The following TG variants were observed in gnomAD, a reference collection of about 807,000 sequenced individuals.
TG encodes thyroglobulin.
Under a neutral mutation model 324.7 loss-of-function variants are expected in TG, and 270 were observed. The observed-to-expected ratio is 0.83, with a 90% CI of 0.75 to 0.92. TG has a LOEUF of 0.92. TG is among the 40% of genes least tolerant of loss of function. The pLI is 0.00. For synonymous variants in TG, 1,401 were observed against 1,327.0 expected (o/e 1.06, Z -1.21); for missense variants, 3,591 against 3,456.4 (o/e 1.04, Z -0.98).
intron 43 of TG, among the ~76,000 whole-genome samples, chr8:133,103,402 C>G (rs906666502): frequency 2.0e-5 from 3 of 152,156 alleles, no homozygotes; most frequent in African/African-American, 4.8e-5. Context: ...TTACCCCTCA[C>G]AGCTGACGCT....
rs1346339625 is a variant in TG, at chr8:133,113,203, G to T, written c.7573-219G>T. ...GGCAGGCACTCCCATTTTCAGATGGGGAAGGCAGGCACAGAGAGGGATAGC... is the reference window on the plus strand; with the variant it reads ...GGCAGGCACTCCCATTTTCAGATGGTGAAGGCAGGCACAGAGAGGGATAGC... On this transcript the variant is annotated intron_variant, in intron 43 of 47. Transcript: ENST00000220616. 2.6e-5 allele frequency among the ~76,000 whole-genome samples: 4 copies of T among 152,230 alleles called. No homozygotes were observed. In the South Asian group the frequency reaches 8.3e-4, roughly 32 times the overall value.
At chr8:132,990,876 G>A (rs889975043) in intron 35 of TG, among the ~76,000 whole-genome samples, 9 of 151,664 alleles carry the variant, frequency 5.9e-5, no homozygotes, top group African/African-American at 1.7e-4. Context: ...CCAGTTTCCC[G>A]GGAATCATAC....
intron 5 of TG, among the ~76,000 whole-genome samples, chr8:132,879,806 G>A (rs146717962): frequency 1.4e-3 from 206 of 152,346 alleles, no homozygotes; most frequent in African/African-American, 4.8e-3. Context: ...GTACTGGGCA[G>A]TTTATAAGAC....
At chr8:133,081,206 T>C (rs1308758738) in intron 41 of TG, among the ~76,000 whole-genome samples, 3 of 152,266 alleles carry the variant, frequency 2.0e-5, no homozygotes, top group Admixed American at 2.0e-4. Flanking sequence ...AATTGGAGCC[T>C]GAGCTTGGGA....
Position 132,968,011 on chromosome 8 carries a change from G to A in TG, c.5863+41G>A, listed in dbSNP as rs374872841. ...GATCTGCATAAACTGTATTTCCAAT[G>A]TTCTGCTGGCTCTGTGGTTTTAGAA... On this transcript the variant is annotated intron_variant, in intron 31 of 47. Coordinates refer to ENST00000220616, the MANE Select transcript of TG (RefSeq NM_003235.5). 1.9e-5 allele frequency: 30 copies of A among 1,605,246 alleles called. No homozygotes were observed. The African/African-American group carries it at 3.6e-4, about 19-fold the overall frequency.
chr8:133,097,832 G>A (rs1251564375), intron 43 of TG, among the ~76,000 whole-genome samples: 1 of 152,212 alleles, frequency 6.6e-6, no homozygotes. Context: ...TGTATGTAGA[G>A]AGAGAGAAAG....
In TG at chr8:132,962,253, T is replaced by A. The variant is rs563417506; in HGVS notation, c.5468-741T>A. Among the ~76,000 whole-genome samples the A allele has an allele frequency of 2.0e-5, 3 of 152,246 alleles. No homozygotes were observed. In the East Asian group the frequency reaches 5.8e-4, roughly 29 times the overall value. ...TTATGTACTTCTTTTCTCATTTAAT[T>A]ATACCCATAATGTAGGCCTAAAGAG... is the stretch of plus-strand genomic sequence containing the variant. On this transcript the variant is annotated intron_variant, in intron 28 of 47. Coordinates refer to ENST00000220616, the MANE Select transcript of TG (RefSeq NM_003235.5).
At chr8:132,878,138 G>T (rs1314817345) in intron 5 of TG, among the ~76,000 whole-genome samples, 1 of 152,080 alleles carries the variant, frequency 6.6e-6, no homozygotes, top group Non-Finnish European at 1.5e-5. Flanking sequence ...TAAGTTACTT[G>T]GTTTCTACAA....
intron 8 of TG, 36 bp downstream of exon 8, chr8:132,883,035 G>A (rs757761666): frequency 6.9e-6 from 11 of 1,604,164 alleles, no homozygotes; most frequent in East Asian, 2.2e-5. Context: ...TTTCGGCCTC[G>A]GATCATATTA....
rs139248110 is a variant in TG, at chr8:132,878,848, C to T, written c.639-3015C>T. On this transcript the variant is annotated intron_variant, in intron 5 of 47. Coordinates refer to ENST00000220616, the MANE Select transcript of TG (RefSeq NM_003235.5). ...GTTATCTCCTGGTCAAATCACCATT[C>T]GTGGCTTTAGAATCCCACTCAAACT... 6.8e-4 allele frequency among the ~76,000 whole-genome samples: 103 copies of T among 152,240 alleles called. 1 individual carries two copies. Among genetic ancestry groups the T allele is most frequent in the East Asian group, 4.3e-3 (22 of 5,158 alleles).
At chr8:133,127,912 C>T (rs1429940177) in intron 45 of TG, among the ~76,000 whole-genome samples, 4 of 152,124 alleles carry the variant, frequency 2.6e-5, no homozygotes, top group African/African-American at 4.8e-5. Flanking sequence ...ACATGCCCTT[C>T]CTCGCCTCAT....
intron 43 of TG, among the ~76,000 whole-genome samples, chr8:133,105,229 A>G (rs1303862415): frequency 1.3e-5 from 2 of 152,202 alleles, no homozygotes; most frequent in Admixed American, 6.5e-5. Context: ...AAAATTGACT[A>G]CAGGCTGTCT....
intron 23 of TG, among the ~76,000 whole-genome samples, chr8:132,932,733 A>G (rs1822901393): frequency 6.6e-6 from 1 of 152,146 alleles, no homozygotes; most frequent in Non-Finnish European, 1.5e-5. Context: ...CATTAAGCGC[A>G]TGGCCTCCTG....
chr8:133,049,743 A>G (rs1013840412), intron 41 of TG: 2 of 633,174 alleles, frequency 3.2e-6, no homozygotes, highest in Admixed American at 2.5e-5. Flanking sequence ...AGTTAGCCCA[A>G]GGTTGCTCCT....
intron 45 of TG, among the ~76,000 whole-genome samples, chr8:133,123,859 A>G (rs1851328376): frequency 6.6e-6 from 1 of 152,230 alleles, no homozygotes; most frequent in South Asian, 2.1e-4. Context: ...TCATCTGTGC[A>G]GTGGAGCTAG....
chr8:132,893,852 T>C lies in TG; in HGVS notation c.2924T>C (p.Leu975Pro). The change falls in exon 11 of 48, where the codon CTC becomes CCC. Residue 975 changes from leucine (L) to proline (P), a missense_variant. Physicochemically the swap from Leu to Pro is moderately conservative, Grantham distance 98 (BLOSUM62 -3). Transcript: ENST00000220616. ...LRNEDLGLPPLFPPREAFAEQ... is the reference protein window; with the variant it reads ...LRNEDLGLPPPFPPREAFAEQ... ...AATGAGGACCTCGGCCTTCCTCCGC[T>C]CTTCCCGCCCCGGGAGGCTTTCGCG... is the stretch of plus-strand genomic sequence containing the variant. 1 of 1,614,034 alleles carries C rather than the reference T, an allele frequency of 6.2e-7. No homozygotes were observed. Among genetic ancestry groups the C allele is most frequent in the Non-Finnish European group, 8.5e-7 (1 of 1,179,956 alleles).
intron 45 of TG, among the ~76,000 whole-genome samples, chr8:133,119,914 A>G (rs533154125): frequency 3.3e-5 from 5 of 152,320 alleles, no homozygotes; most frequent in African/African-American, 1.2e-4. Context: ...GTAAGAAGAA[A>G]AATAAGTGGC....
intron 11 of TG, 125 bp downstream of exon 11, chr8:132,894,054 G>A: frequency 6.8e-7 from 1 of 1,467,072 alleles, no homozygotes; most frequent in South Asian, 1.2e-5. Context: ...GGGTTCTTGG[G>A]AAGGAAAAGG....
At chr8:133,045,691 G>T (rs553952605) in intron 41 of TG, among the ~76,000 whole-genome samples, 1 of 152,216 alleles carries the variant, frequency 6.6e-6, no homozygotes, top group African/African-American at 2.4e-5. Context: ...TACCATGCCG[G>T]GCCTCATCCT....
Sources: gnomAD v4.1 joint callset for allele counts (sites outside exome capture counted in the v4.1 genomes callset) on GRCh38, gnomAD v4.1.1 for gene constraint, MANE v1.5 for transcripts, NCBI Gene and HGNC (gene_info 2026-07-23, HGNC 2026-07-21) for gene names.